LYPLA1: variants seen among roughly 807,000 people sequenced by gnomAD.
LYPLA1 encodes the protein lysophospholipase 1, also known as acyl-protein thioesterase 1.
In LYPLA1, 17 loss-of-function variants were observed where a neutral mutation model predicts 34.0. The ratio of observed to expected loss-of-function variants is 0.50; its 90% CI spans 0.34 to 0.75. The LOEUF (loss-of-function observed/expected upper bound fraction) is 0.75. LYPLA1 is among the 30% of genes least tolerant of loss of function. LYPLA1 has a pLI of 0.01. For synonymous variants in LYPLA1, 98 were observed against 100.8 expected (o/e 0.97, Z 0.17); for missense variants, 203 against 288.8 (o/e 0.70, Z 2.15).
intron 2 of LYPLA1, among the ~76,000 whole-genome samples, chr8:54,077,127 C>T (rs930474560): frequency 2.0e-5 from 3 of 151,918 alleles, no homozygotes; most frequent in East Asian, 1.9e-4. Flanking sequence ...AAGAAAATAT[C>T]GTACATATAC....
At chr8:54,061,198 G>A (rs768968414) in intron 5 of LYPLA1, among the ~76,000 whole-genome samples, 18 of 151,336 alleles carry the variant, frequency 1.2e-4, no homozygotes, top group Non-Finnish European at 2.2e-4. Flanking sequence ...CTCCTGCCTC[G>A]GCCTCCCAAG....
chr8:54,059,656 G>A (rs1446712301), intron 5 of LYPLA1, among the ~76,000 whole-genome samples: 2 of 152,192 alleles, frequency 1.3e-5, no homozygotes, highest in Admixed American at 1.3e-4. Flanking sequence ...AAAGGGCTGC[G>A]CTCAGTGGCT....
rs1806707593 is a variant in LYPLA1 at position 54,062,343 on chromosome 8, T to A, written c.216-19A>T. On this transcript the variant is annotated intron_variant, in intron 4 of 8. Transcript: ENST00000316963. Reference sequence around the variant, plus strand: ...ATCAAACCTGTAAAATAAGGCAAAATCTTTTGATTCTAAGAAAAATCTATT... The same window carrying A: ...ATCAAACCTGTAAAATAAGGCAAAAACTTTTGATTCTAAGAAAAATCTATT... 6.6e-7 allele frequency: 1 copy of A among 1,525,090 alleles called. No homozygotes were observed. Among genetic ancestry groups the A allele is most frequent in the Non-Finnish European group, 9.0e-7 (1 of 1,115,214 alleles). 94.5% of individuals were successfully genotyped at this position (1,525,090 alleles called of 1,614,324 possible). A position where few individuals can be genotyped will look rare whatever the true frequency, so the allele number is the denominator to read the frequency against.
chr8:54,073,502 C>G (rs1164511674), intron 2 of LYPLA1: 15 of 723,636 alleles, frequency 2.1e-5, no homozygotes, highest in Non-Finnish European at 1.8e-5. Context: ...GACTCCAGAA[C>G]TACCAGCATC....
rs1364223520 is a variant in LYPLA1 at position 54,048,051 on chromosome 8, G to C, written c.*14C>G. On this transcript the variant is annotated 3_prime_UTR_variant, in exon 9 of 9. Transcript: ENST00000316963. ...TGATGCTGGTGTACTTCTACACAAGGCCTCTTAGTGACGTCAATCAATTGG... is the reference window on the plus strand; with the variant it reads ...TGATGCTGGTGTACTTCTACACAAGCCCTCTTAGTGACGTCAATCAATTGG... The C allele has an allele frequency of 6.4e-7, 1 of 1,572,016 alleles. No individual in the cohort carries two copies. Among genetic ancestry groups the C allele is most frequent in the Non-Finnish European group, 8.7e-7 (1 of 1,142,892 alleles).
chr8:54,044,212 G>A (rs766970939), downstream of LYPLA1, among the ~76,000 whole-genome samples: 1 of 151,942 alleles, frequency 6.6e-6, no homozygotes, highest in Non-Finnish European at 1.5e-5. Flanking sequence ...TTTATCTTTC[G>A]GGTCACCTGG....
rs1251595918 is a variant in LYPLA1 at position 54,078,962 on chromosome 8, G to GT, written c.102-13150dup. On this transcript the variant is annotated intron_variant, in intron 2 of 8. Coordinates refer to ENST00000316963, the MANE Select transcript of LYPLA1 (RefSeq NM_006330.4). ...AATTTGATACACTATTTCAATGTAC[G>GT]TATTTTCAGTGTTAACAGCCACTAA... Among the ~76,000 whole-genome samples the GT allele has an allele frequency of 8.6e-5, 13 of 150,890 alleles. No homozygotes were observed. The East Asian group carries it at 1.9e-3, about 23-fold the overall frequency.
At chr8:54,046,036 G>A (rs1468094493), downstream of LYPLA1, among the ~76,000 whole-genome samples, 1 of 152,060 alleles carries the variant, frequency 6.6e-6, no homozygotes, top group Non-Finnish European at 1.5e-5. Flanking sequence ...ACCCCAGCCT[G>A]GGTGACAGAA....
At chr8:54,090,871 AC>A (rs1307053223) in intron 2 of LYPLA1, among the ~76,000 whole-genome samples, 1 of 152,026 alleles carries the variant, frequency 6.6e-6, no homozygotes, top group East Asian at 1.9e-4. Flanking sequence ...ATTTGATCTG[AC>A]AGTTTTATAA....
chr8:54,099,343 CCATA>C (rs1184026359), intron 2 of LYPLA1, among the ~76,000 whole-genome samples: 5 of 152,150 alleles, frequency 3.3e-5, no homozygotes, highest in Non-Finnish European at 7.3e-5. Context: ...TTCTGTAACT[CCATA>C]CAAAGTTTGT....
rs777904718 is a variant in LYPLA1 at position 54,058,500 on chromosome 8, C to T, written c.287-3367G>A. On this transcript the variant is annotated intron_variant, in intron 5 of 8. Transcript: ENST00000316963. ...TGGAGGTTGCAGTGAGCTGAGATTG[C>T]GCCACTGCACTCCAGCCTGAGCAAG... Among the ~76,000 whole-genome samples the T allele has an allele frequency of 5.9e-5, 9 of 152,074 alleles. No homozygotes were observed. In the South Asian group the frequency reaches 6.2e-4, roughly 11 times the overall value.
intron 2 of LYPLA1, among the ~76,000 whole-genome samples, chr8:54,070,380 C>A (rs974921561): frequency 6.6e-6 from 1 of 152,076 alleles, no homozygotes; most frequent in African/African-American, 2.4e-5. Context: ...AGCAGTATTA[C>A]GCAACTTCAA....
At chr8:54,066,939 G>A (rs1807110524) in intron 2 of LYPLA1, among the ~76,000 whole-genome samples, 1 of 152,198 alleles carries the variant, frequency 6.6e-6, no homozygotes. Flanking sequence ...GGAGACTGAA[G>A]CATGCGGATC....
intron 5 of LYPLA1, among the ~76,000 whole-genome samples, chr8:54,056,821 G>A (rs1285332062): frequency 1.3e-5 from 2 of 152,130 alleles, no homozygotes; most frequent in African/African-American, 4.8e-5. Flanking sequence ...GCTGAGGCAG[G>A]AGAATCACTT....
intron 2 of LYPLA1, chr8:54,100,445 C>CT (rs1348721710): frequency 6.5e-6 from 1 of 154,162 alleles, no homozygotes; most frequent in Non-Finnish European, 1.4e-5. Context: ...CCAAATAAAT[C>CT]TTTGAGTTGC....
intron 5 of LYPLA1, among the ~76,000 whole-genome samples, chr8:54,058,726 G>C (rs746384190): frequency 1.3e-5 from 2 of 150,900 alleles, no homozygotes; most frequent in Non-Finnish European, 2.9e-5. Flanking sequence ...CCACAGACAT[G>C]CGCCACCACG....
At chr8:54,063,291 T>G (rs1586101464) in intron 4 of LYPLA1, 37 bp downstream of exon 4, 1 of 1,246,700 alleles carries the variant, frequency 8.0e-7, no homozygotes. Context: ...AAATAAGTAA[T>G]ATAATGTTCT....
At chr8:54,073,485 C>CT (rs1311869658) in intron 2 of LYPLA1, 1 of 748,228 alleles carries the variant, frequency 1.3e-6, no homozygotes, top group African/African-American at 1.7e-5. Flanking sequence ...CATCTCATAG[C>CT]TTCCAGGACT....
intron 2 of LYPLA1, among the ~76,000 whole-genome samples, 163 bp from the exon 3 acceptor site, chr8:54,065,976 G>A (rs949274977): frequency 4.6e-5 from 7 of 151,892 alleles, no homozygotes; most frequent in South Asian, 2.1e-4. Flanking sequence ...TCGCTCTGTC[G>A]CCCAGGCTGG....
Sources: gnomAD v4.1 joint callset for allele counts (sites outside exome capture counted in the v4.1 genomes callset) on GRCh38, gnomAD v4.1.1 for gene constraint, MANE v1.5 for transcripts, NCBI Gene and HGNC (gene_info 2026-07-23, HGNC 2026-07-21) for gene names.